The following PPP1R13B variants were observed in gnomAD, a reference collection of about 807,000 sequenced individuals.
PPP1R13B encodes the protein apoptosis-stimulating of p53 protein 1.
A neutral mutation model predicts 119.8 loss-of-function variants in PPP1R13B; 44 were observed. That is an observed-to-expected ratio of 0.37 (90% CI 0.29 to 0.47). The LOEUF is 0.47. Ranked by LOEUF, PPP1R13B falls within the 20% of genes least tolerant of loss-of-function variation. PPP1R13B has a pLI of 0.99. For synonymous variants in PPP1R13B, 542 were observed against 561.5 expected (o/e 0.97, Z 0.49); for missense variants, 1,227 against 1,413.5 (o/e 0.87, Z 2.12).
At chr14:103,779,273 C>T (rs1248808474) in intron 3 of PPP1R13B, among the ~76,000 whole-genome samples, 1 of 151,744 alleles carries the variant, frequency 6.6e-6, no homozygotes, top group East Asian at 1.9e-4. Flanking sequence ...CTCTGTTGCA[C>T]TCCAGCCTGG....
At chr14:103,770,173 G>A (rs551697128) in intron 4 of PPP1R13B, among the ~76,000 whole-genome samples, 1 of 152,016 alleles carries the variant, frequency 6.6e-6, no homozygotes, top group East Asian at 1.9e-4. Context: ...GTTTACAGGT[G>A]TGAGCCACCA....
At chr14:103,827,141 G>A (rs993650222) in intron 1 of PPP1R13B, among the ~76,000 whole-genome samples, 1 of 151,468 alleles carries the variant, frequency 6.6e-6, no homozygotes, top group East Asian at 1.9e-4. Context: ...TGGTTAACAC[G>A]GTGAAACCCC....
At chr14:103,799,339 C>A (rs539188805) in intron 1 of PPP1R13B, among the ~76,000 whole-genome samples, 1 of 152,082 alleles carries the variant, frequency 6.6e-6, no homozygotes, top group Admixed American at 6.6e-5. Context: ...TCACTACGCC[C>A]GGCTAATTTT....
chr14:103,838,877 T>C (rs1245620399), intron 1 of PPP1R13B, among the ~76,000 whole-genome samples: 5 of 152,190 alleles, frequency 3.3e-5, no homozygotes, highest in Non-Finnish European at 7.3e-5. Flanking sequence ...CCAGCATCCA[T>C]ATTTAAGCAG....
At position 103,740,179 on chromosome 14, in the gene PPP1R13B, C is replaced by G; in HGVS notation, c.2237G>C (p.Ser746Thr). The G allele has an allele frequency of 6.2e-7, 1 of 1,613,802 alleles. No homozygotes were observed. The highest frequency in any genetic ancestry group is 1.6e-4 in the Middle Eastern group (1 of 6,062). The change falls in exon 12 of 17, where the codon AGC becomes ACC. Residue 746 changes from serine (S) to threonine (T), a missense_variant. Transcript: ENST00000202556. This position sits in a 1 kb window ranked among gnomAD's most constrained non-coding sequence, Gnocchi z 4.6. Reference protein sequence around the residue: ...GMEGTPFYQPSPSQDFMGTLA... With the variant: ...GMEGTPFYQPTPSQDFMGTLA... ...GGTGCCCATGAAGTCCTGGGAGGGG[C>G]TGGGCTGGTAGAAAGGGGTGCCCTC...
intron 4 of PPP1R13B, among the ~76,000 whole-genome samples, chr14:103,776,862 ACT>A (rs1358090795): frequency 1.4e-5 from 2 of 147,432 alleles, no homozygotes; most frequent in South Asian, 4.4e-4. Flanking sequence ...ACAGAGTGAG[ACT>A]CTGCCTCAAA....
intron 2 of PPP1R13B, among the ~76,000 whole-genome samples, chr14:103,792,424 A>C (rs2144080): frequency 0.58 from 88,195 of 151,972 alleles, 27,581 homozygotes; most frequent in African/African-American, 0.84. Flanking sequence ...GCAATCTGCC[A>C]GCCTTGGCCT....
intron 9 of PPP1R13B, among the ~76,000 whole-genome samples, chr14:103,744,515 T>G (rs2084341802): frequency 6.6e-6 from 1 of 152,194 alleles, no homozygotes; most frequent in African/African-American, 2.4e-5. Flanking sequence ...CTAGATGTGA[T>G]GAGCAGACCT....
In PPP1R13B at chr14:103,742,082, G is replaced by T; in HGVS notation, c.1530C>A (p.Pro510=). The T allele has an allele frequency of 6.2e-7, 1 of 1,613,970 alleles. No individual in the cohort carries two copies. The highest frequency in any genetic ancestry group is 2.2e-5 in the East Asian group (1 of 44,876). ...GAATCTGTTGTGAGGAGCCTGGCTG[G>T]GGGGTGCTGCCTGTGGCGGGCAGCA... ...PTLLPATGST[P]QPGSSQQIQQ... Residue 510 remains proline, a synonymous_variant, in exon 11 of 17, where the codon CCC becomes CCA. Coordinates refer to ENST00000202556, the MANE Select transcript of PPP1R13B (RefSeq NM_015316.3). The surrounding 1 kb of genome is among the most constrained non-coding windows in gnomAD (Gnocchi z 4.9).
At chr14:103,813,018 C>G (rs1030937056) in intron 1 of PPP1R13B, among the ~76,000 whole-genome samples, 2 of 152,182 alleles carry the variant, frequency 1.3e-5, no homozygotes, top group African/African-American at 4.8e-5. Flanking sequence ...ACTAAGCATA[C>G]TTTTACCATG....
chr14:103,793,207 GAAAGA>G (rs1032649001), intron 2 of PPP1R13B, among the ~76,000 whole-genome samples: 1 of 142,648 alleles, frequency 7.0e-6, no homozygotes, highest in Non-Finnish European at 1.5e-5. Context: ...GTGAGGAAAG[GAAAGA>G]AAAGGAAAGA....
In PPP1R13B at chr14:103,742,863, T is replaced by C; in HGVS notation, c.1151-40A>G. On this transcript the variant is annotated intron_variant, in intron 9 of 16. Transcript: ENST00000202556. This position sits in a 1 kb window ranked among gnomAD's most constrained non-coding sequence, Gnocchi z 4.9. ...AGAACTTACGTAAAACTTTTCTCAATGTAGTTGAACCAACCTAAGAATAAC... is the reference window on the plus strand; with the variant it reads ...AGAACTTACGTAAAACTTTTCTCAACGTAGTTGAACCAACCTAAGAATAAC... 8 of 1,608,570 alleles carry C rather than the reference T, an allele frequency of 5.0e-6. No individual in the cohort carries two copies. Among genetic ancestry groups the C allele is most frequent in the Non-Finnish European group, 6.8e-6 (8 of 1,176,586 alleles).
chr14:103,752,681 T>C (rs1472450464), intron 7 of PPP1R13B, among the ~76,000 whole-genome samples: 1 of 151,968 alleles, frequency 6.6e-6, no homozygotes. Flanking sequence ...ACTACGGGCA[T>C]GCGCCACCAC....
At position 103,742,214 on chromosome 14, in the gene PPP1R13B, T is replaced by C; in HGVS notation, c.1398A>G (p.Pro466=). The C allele has an allele frequency of 6.2e-7, 1 of 1,601,660 alleles. No homozygotes were observed. Among genetic ancestry groups the C allele is most frequent in the Admixed American group, 1.7e-5 (1 of 59,980 alleles). ...KQLPPSYGTY[P]SPTPLGPGST... ...ACCCAGGACCCAGAGGTGTAGGACT[T>C]GGGTATGTCCCATAGCTTGGAGGCA... is the stretch of plus-strand genomic sequence containing the variant. The change falls in exon 11 of 17, where the codon CCA becomes CCG. Residue 466 remains proline, a synonymous_variant. Coordinates refer to ENST00000202556, the MANE Select transcript of PPP1R13B (RefSeq NM_015316.3). This position sits in a 1 kb window ranked among gnomAD's most constrained non-coding sequence, Gnocchi z 4.9.
At position 103,741,785 on chromosome 14, in the gene PPP1R13B, T is replaced by TCTAC. The variant is rs1395090633; in HGVS notation, c.1822+1_1822+4dup. 6.2e-7 allele frequency: 1 copy of TCTAC among 1,612,148 alleles called. No individual in the cohort carries two copies. The highest frequency in any genetic ancestry group is 8.5e-7 in the Non-Finnish European group (1 of 1,178,498). On this transcript the variant is annotated splice_donor_region_variant and intron_variant, in intron 11 of 16. Coordinates refer to ENST00000202556, the MANE Select transcript of PPP1R13B (RefSeq NM_015316.3). ...CAAGAAAAGGAGAGTATAAACCCAC[T>TCTAC]CTACCTGCTTTAACTGACTTATTTA... is the stretch of plus-strand genomic sequence containing the variant.
At chr14:103,833,957 A>G (rs903032763) in intron 1 of PPP1R13B, among the ~76,000 whole-genome samples, 3 of 152,264 alleles carry the variant, frequency 2.0e-5, no homozygotes, top group African/African-American at 7.2e-5. Flanking sequence ...AAGCAAGTAC[A>G]TGTTAAATGC....
At chr14:103,739,287 C>T in intron 12 of PPP1R13B, 1 of 464,374 alleles carries the variant, frequency 2.2e-6, no homozygotes, top group South Asian at 4.6e-5. Context: ...GAGCTTCTGG[C>T]CACTCCTCGG....
chr14:103,753,970 G>T, intron 6 of PPP1R13B, 100 bp downstream of exon 6: 2 of 1,392,302 alleles, frequency 1.4e-6, no homozygotes, highest in African/African-American at 1.4e-5. Flanking sequence ...TTGCTATTTA[G>T]TCCTGTGAAT....
In PPP1R13B at chr14:103,741,554, G is replaced by A. The variant is rs534175714; in HGVS notation, c.1822+236C>T. ...CTGGATTTCCTAAGTAGCACACGGA[G>A]GTGGCTGCTCAGACAGGAAGTCAGA... On this transcript the variant is annotated intron_variant, in intron 11 of 16. Coordinates refer to ENST00000202556, the MANE Select transcript of PPP1R13B (RefSeq NM_015316.3). 6.6e-5 allele frequency among the ~76,000 whole-genome samples: 10 copies of A among 152,314 alleles called. No individual in the cohort carries two copies. In the South Asian group the frequency reaches 1.9e-3, roughly 28 times the overall value.
Sources: allele counts gnomAD v4.1 joint callset (sites outside exome capture counted in the v4.1 genomes callset), GRCh38; gene constraint gnomAD v4.1.1; non-coding constraint Gnocchi (gnomAD v3.1); transcripts MANE v1.5; gene names NCBI Gene and HGNC (gene_info 2026-07-23, HGNC 2026-07-21).